Variants in ALK observed in about 807,000 individuals in gnomAD.
ALK encodes the protein ALK receptor tyrosine kinase, also known as ALK tyrosine kinase receptor.
Under a neutral mutation model 163.1 loss-of-function variants are expected in ALK, and 74 were observed. The ratio of observed to expected loss-of-function variants is 0.45; its 90% confidence interval spans 0.38 to 0.55. The LOEUF is 0.55. Among genes scored for constraint, ALK ranks in the 20% least tolerant of loss-of-function variants. The probability of loss-of-function intolerance (pLI) is 0.00; values close to 1 mark genes in which losing one functional copy is unlikely to be tolerated. For synonymous variants in ALK, 960 were observed against 843.2 expected, an observed-to-expected ratio of 1.14 and a Z score of -2.40; for missense variants, 2,063 against 2,105.3, an observed-to-expected ratio of 0.98 and a Z score of 0.39.
intron 1 of ALK, among the ~76,000 whole-genome samples, chr2:29,801,378 AAAC>A (rs761695120): frequency 7.9e-5 from 12 of 152,306 alleles, no homozygotes; most frequent in African/African-American, 2.6e-4. Context: ...AAAAACAAAC[AAAC>A]AACAACGAGA....
chr2:29,792,235 A>G (rs1403848091), intron 1 of ALK, among the ~76,000 whole-genome samples: 2 of 152,218 alleles, frequency 1.3e-5, no homozygotes, highest in African/African-American at 4.8e-5. Context: ...CTAACACAAA[A>G]ACAGATGGAA....
chr2:29,236,824 T>A (rs1664399069), intron 13 of ALK, among the ~76,000 whole-genome samples: 1 of 152,210 alleles, frequency 6.6e-6, no homozygotes, highest in Non-Finnish European at 1.5e-5. Context: ...CTAGGCAATC[T>A]CATCCTGTCT....
At chr2:29,321,668 G>T (rs1180687590) in intron 6 of ALK, among the ~76,000 whole-genome samples, 2 of 152,170 alleles carry the variant, frequency 1.3e-5, no homozygotes, top group Non-Finnish European at 2.9e-5. Context: ...TGCCAGCCTG[G>T]GTCCCTGAGT....
chr2:29,207,129 C>G (rs1669331814), intron 26 of ALK, 42 bp downstream of exon 26: 1 of 1,536,762 alleles, frequency 6.5e-7, no homozygotes, highest in South Asian at 1.1e-5. Flanking sequence ...GGAGCACCAC[C>G]TTATGGCTGC....
intron 8 of ALK, among the ~76,000 whole-genome samples, chr2:29,303,979 T>C (rs1161285135): frequency 6.6e-6 from 1 of 152,188 alleles, no homozygotes; most frequent in East Asian, 1.9e-4. Context: ...AACCCCAGCA[T>C]TATGCTATTG....
intron 3 of ALK, among the ~76,000 whole-genome samples, chr2:29,677,169 C>G (rs1227331986): frequency 6.6e-6 from 1 of 150,638 alleles, no homozygotes; most frequent in Non-Finnish European, 1.5e-5. Flanking sequence ...ATCTGTATAT[C>G]TGCATGTTTT....
chr2:29,252,719 A>G (rs887421075), intron 11 of ALK, among the ~76,000 whole-genome samples: 1 of 151,948 alleles, frequency 6.6e-6, no homozygotes, highest in Non-Finnish European at 1.5e-5. Flanking sequence ...ATTTTTTGCA[A>G]AGGAAGATGT....
intron 1 of ALK, among the ~76,000 whole-genome samples, chr2:29,916,268 T>C (rs1454407975): frequency 6.6e-6 from 1 of 152,206 alleles, no homozygotes; most frequent in African/African-American, 2.4e-5. Context: ...ACAAGTATGA[T>C]CCAATTACTT....
At chr2:29,239,249 A>G (rs1664459032) in intron 13 of ALK, among the ~76,000 whole-genome samples, 1 of 152,202 alleles carries the variant, frequency 6.6e-6, no homozygotes, top group Non-Finnish European at 1.5e-5. Flanking sequence ...TTGTGGAAGT[A>G]AACTGCTTTC....
At chr2:29,604,934 G>T (rs1675498864) in intron 3 of ALK, among the ~76,000 whole-genome samples, 1 of 152,162 alleles carries the variant, frequency 6.6e-6, no homozygotes, top group South Asian at 2.1e-4. Context: ...AATCATTCCT[G>T]TTGGGATATT....
chr2:29,792,465 AT>A (rs1312128547), intron 1 of ALK, among the ~76,000 whole-genome samples: 1 of 152,228 alleles, frequency 6.6e-6, no homozygotes, highest in Non-Finnish European at 1.5e-5. Flanking sequence ...ATCTACCACA[AT>A]AAAAGGCAGA....
intron 1 of ALK, among the ~76,000 whole-genome samples, chr2:29,843,938 G>T (rs915175344): frequency 6.6e-6 from 1 of 152,074 alleles, no homozygotes; most frequent in Non-Finnish European, 1.5e-5. Context: ...GGGGAAGCCA[G>T]GCCTTAATTA....
intron 11 of ALK, among the ~76,000 whole-genome samples, chr2:29,266,187 A>C (rs1470667078): frequency 6.6e-6 from 1 of 152,246 alleles, no homozygotes; most frequent in South Asian, 2.1e-4. Flanking sequence ...GCAATCCTCT[A>C]TACCCCACAC....
intron 5 of ALK, among the ~76,000 whole-genome samples, chr2:29,346,124 G>A (rs1667941528): frequency 6.6e-6 from 1 of 152,068 alleles, no homozygotes; most frequent in Admixed American, 6.5e-5. Flanking sequence ...TTCCTTCCTA[G>A]GCTGATGCTT....
At chr2:29,756,130 C>G (rs1214155330) in intron 1 of ALK, among the ~76,000 whole-genome samples, 1 of 152,192 alleles carries the variant, frequency 6.6e-6, no homozygotes, top group East Asian at 1.9e-4. Flanking sequence ...CATTCTGGGC[C>G]TACCCCGCCT....
At chr2:29,482,768 A>G (rs1671693196) in intron 4 of ALK, among the ~76,000 whole-genome samples, 1 of 151,732 alleles carries the variant, frequency 6.6e-6, no homozygotes, top group Admixed American at 6.6e-5. Flanking sequence ...AACAACAACA[A>G]AAACTGAGAA....
chr2:29,719,499 G>T (rs1239605229), intron 1 of ALK, among the ~76,000 whole-genome samples: 1 of 152,122 alleles, frequency 6.6e-6, no homozygotes, highest in Non-Finnish European at 1.5e-5. Flanking sequence ...ACTTTGGGTG[G>T]GGTTAAGTTT....
rs959552992 is a variant in ALK at position 29,194,053 on chromosome 2, AACTT to A, written c.4165-135_4165-132del. ...AACCAGGATTTATTGAGAATATAGT[AACTT>A]ACAGGCACTGGGGCATACAAAATGA... On this transcript the variant is annotated intron_variant, in intron 28 of 28. Transcript: ENST00000389048. 2.9e-5 allele frequency: 26 copies of A among 900,110 alleles called. No individual in the cohort carries two copies. The African/African-American group carries it at 4.3e-4, about 15-fold the overall frequency. 55.8% of individuals were successfully genotyped at this position (900,110 alleles called of 1,614,324 possible).
intron 3 of ALK, among the ~76,000 whole-genome samples, chr2:29,560,088 T>C (rs1412533561): frequency 6.6e-6 from 1 of 152,212 alleles, no homozygotes; most frequent in African/African-American, 2.4e-5. Flanking sequence ...AGCAATTCCA[T>C]TCTTAGACAG....
Sources: allele counts gnomAD v4.1 joint callset (sites outside exome capture counted in the v4.1 genomes callset), GRCh38; gene constraint gnomAD v4.1.1; transcripts MANE v1.5; gene names NCBI Gene and HGNC (gene_info 2026-07-23, HGNC 2026-07-21).